Variants in SAMD12 observed in about 807,000 individuals in gnomAD.
The protein encoded by SAMD12 is sterile alpha motif domain-containing protein 12.
SAMD12 carries 9 observed loss-of-function variants against 15.0 expected under a neutral mutation model. That is an observed-to-expected ratio of 0.60 (90% confidence interval 0.36 to 1.05). SAMD12 has a LOEUF of 1.05. SAMD12 is among the 50% of genes least tolerant of loss of function. The pLI is 0.01. For missense variants in SAMD12, 230 were observed against 234.2 expected (o/e 0.98, Z 0.12); for synonymous variants, 86 against 90.1 (o/e 0.96, Z 0.25).
chr8:118,472,147 C>T (rs576488724), intron 2 of SAMD12, among the ~76,000 whole-genome samples: 31 of 152,112 alleles, frequency 2.0e-4, no homozygotes, highest in African/African-American at 7.0e-4. Flanking sequence ...ATTAGCCGGG[C>T]GTGGTGGTGG....
At chr8:118,183,260 A>G in the SAMD12 span, among the ~76,000 whole-genome samples, 7 of 152,208 alleles carry the variant, frequency 4.6e-5, no homozygotes, top group Non-Finnish European at 1.0e-4. Context: ...TGCTGGCTAC[A>G]TTTCTTCTTC....
At chr8:118,215,082 T>C (rs1409439520) in intron 4 of SAMD12, among the ~76,000 whole-genome samples, 1 of 152,236 alleles carries the variant, frequency 6.6e-6, no homozygotes, top group Admixed American at 6.5e-5. Flanking sequence ...ATTTTCTTTA[T>C]AAATCAAGTT....
the SAMD12 span, among the ~76,000 whole-genome samples, chr8:118,182,225 A>G: frequency 1.3e-5 from 2 of 152,254 alleles, no homozygotes; most frequent in African/African-American, 4.8e-5. Flanking sequence ...CTAAGGTGAT[A>G]CATCTACAAC....
chr8:118,472,292 A>C (rs1297548483), intron 2 of SAMD12, among the ~76,000 whole-genome samples: 2 of 152,056 alleles, frequency 1.3e-5, no homozygotes, highest in Admixed American at 1.3e-4. Flanking sequence ...ATCTAAAAAA[A>C]AAAAAAAAGA....
chr8:118,276,043 G>T (rs571747995), intron 4 of SAMD12, among the ~76,000 whole-genome samples: 62 of 152,262 alleles, frequency 4.1e-4, no homozygotes, highest in African/African-American at 1.5e-3. Context: ...ATACAAAATA[G>T]ATTCTTCAAC....
chr8:118,296,688 A>G (rs1799835548), intron 4 of SAMD12, among the ~76,000 whole-genome samples: 1 of 152,230 alleles, frequency 6.6e-6, no homozygotes, highest in Non-Finnish European at 1.5e-5. Flanking sequence ...CCTTTCTACC[A>G]TGCCAATTTA....
chr8:118,296,537 C>T (rs1814723942), intron 4 of SAMD12, among the ~76,000 whole-genome samples: 1 of 152,234 alleles, frequency 6.6e-6, no homozygotes, highest in Non-Finnish European at 1.5e-5. Flanking sequence ...CCCGAAGGCA[C>T]AGCCTGCATG....
At chr8:118,428,816 C>G (rs1029975269) in intron 3 of SAMD12, among the ~76,000 whole-genome samples, 1 of 152,044 alleles carries the variant, frequency 6.6e-6, no homozygotes, top group Non-Finnish European at 1.5e-5. Context: ...AGTCTTTATT[C>G]CAGTACCATA....
chr8:118,414,039 A>C (rs1821558681), intron 3 of SAMD12, among the ~76,000 whole-genome samples: 1 of 152,218 alleles, frequency 6.6e-6, no homozygotes, highest in South Asian at 2.1e-4. Context: ...CCGCCAAATG[A>C]CTGATCATAA....
chr8:118,183,591 T>A, the SAMD12 span, among the ~76,000 whole-genome samples: 13 of 152,226 alleles, frequency 8.5e-5, no homozygotes, highest in South Asian at 2.7e-3. Context: ...CTGGGTTAGC[T>A]CTGTGATATG....
chr8:118,564,587 A>C (rs1289267051), intron 2 of SAMD12, among the ~76,000 whole-genome samples: 1 of 152,162 alleles, frequency 6.6e-6, no homozygotes, highest in African/African-American at 2.4e-5. Flanking sequence ...CTGACTGGAG[A>C]GTAACAGTTA....
chr8:118,179,464 TA>T, the SAMD12 span, among the ~76,000 whole-genome samples: 1 of 150,140 alleles, frequency 6.7e-6, no homozygotes. Flanking sequence ...AAAAGAATTC[TA>T]AACAAGGAAG....
chr8:118,270,053 G>T (rs1453874712), intron 4 of SAMD12, among the ~76,000 whole-genome samples: 1 of 152,148 alleles, frequency 6.6e-6, no homozygotes, highest in Non-Finnish European at 1.5e-5. Flanking sequence ...GGTGGAAGAG[G>T]AGAAAATAAG....
At chr8:118,261,614 G>T (rs945781793) in intron 4 of SAMD12, among the ~76,000 whole-genome samples, 3 of 151,436 alleles carry the variant, frequency 2.0e-5, no homozygotes, top group Admixed American at 2.0e-4. Flanking sequence ...ACTTAATTTG[G>T]CAACCAAGAA....
At chr8:118,325,072 C>G (rs557035663) in intron 4 of SAMD12, among the ~76,000 whole-genome samples, 2 of 152,310 alleles carry the variant, frequency 1.3e-5, no homozygotes, top group South Asian at 4.1e-4. Context: ...GAGCCTGCAT[C>G]TATGCTGGTG....
intron 2 of SAMD12, among the ~76,000 whole-genome samples, chr8:118,454,905 G>A (rs1156544218): frequency 2.0e-5 from 3 of 152,128 alleles, no homozygotes; most frequent in Non-Finnish European, 2.9e-5. Flanking sequence ...TTTTGTGACT[G>A]GCTCATTTCA....
chr8:118,211,658 G>T (rs1452371961), intron 4 of SAMD12, among the ~76,000 whole-genome samples: 2 of 151,928 alleles, frequency 1.3e-5, no homozygotes, highest in East Asian at 1.9e-4. Flanking sequence ...AAATTATGAG[G>T]CCCTTATAAA....
At chr8:118,620,125 C>T (rs878881221) in intron 1 of SAMD12, among the ~76,000 whole-genome samples, 1 of 152,096 alleles carries the variant, frequency 6.6e-6, no homozygotes, top group African/African-American at 2.4e-5. Flanking sequence ...TCACCCATCA[C>T]GCAAGAAATA....
intron 1 of SAMD12, among the ~76,000 whole-genome samples, chr8:118,586,763 G>C (rs1274657280): frequency 6.6e-6 from 1 of 152,172 alleles, no homozygotes; most frequent in Non-Finnish European, 1.5e-5. Flanking sequence ...TTCTTGCTGA[G>C]CTTTACAAAT....
Sources: gnomAD v4.1 joint callset for allele counts (sites outside exome capture counted in the v4.1 genomes callset) on GRCh38, gnomAD v4.1.1 for gene constraint, MANE v1.5 for transcripts, NCBI Gene and HGNC (gene_info 2026-07-23, HGNC 2026-07-21) for gene names.